ANKS1B: variants seen among roughly 807,000 people sequenced by gnomAD.
The protein encoded by ANKS1B is ankyrin repeat and sterile alpha motif domain-containing protein 1B.
ANKS1B carries 36 observed loss-of-function variants against 148.3 expected under a neutral mutation model. That is an observed-to-expected ratio of 0.24 (90% CI 0.19 to 0.32). The LOEUF (loss-of-function observed/expected upper bound fraction) is 0.32. Ranked by LOEUF, ANKS1B falls within the 10% of genes least tolerant of loss-of-function variation. The pLI, the probability that ANKS1B is intolerant of heterozygous loss-of-function variation, is 1.00. For missense variants in ANKS1B, 1,157 were observed against 1,542.6 expected (o/e 0.75, Z 4.19); for synonymous variants, 542 against 560.8 (o/e 0.97, Z 0.47).
chr12:99,409,172 A>T (rs1274440064), intron 11 of ANKS1B, among the ~76,000 whole-genome samples: 1 of 152,240 alleles, frequency 6.6e-6, no homozygotes, highest in African/African-American at 2.4e-5. Flanking sequence ...CGGCTATAAA[A>T]AAGAATGAGA....
chr12:99,896,428 C>A (rs2093389243), intron 1 of ANKS1B, among the ~76,000 whole-genome samples: 1 of 151,340 alleles, frequency 6.6e-6, no homozygotes, highest in African/African-American at 2.4e-5. Flanking sequence ...ATGGCAGTAA[C>A]TCCTTCTTTA....
intron 17 of ANKS1B, among the ~76,000 whole-genome samples, chr12:98,862,731 A>C (rs955828596): frequency 2.0e-5 from 3 of 152,192 alleles, no homozygotes; most frequent in Non-Finnish European, 2.9e-5. Context: ...TCTTACTCTC[A>C]AGTAGGAATC....
intron 8 of ANKS1B, among the ~76,000 whole-genome samples, chr12:99,771,595 G>T (rs1213705262): frequency 3.3e-5 from 5 of 151,878 alleles, no homozygotes; most frequent in Non-Finnish European, 7.4e-5. Context: ...TTTAACAGAG[G>T]ATTTTGTCCC....
chr12:98,854,504 CCT>C (rs139733033), intron 17 of ANKS1B, among the ~76,000 whole-genome samples: 21,558 of 152,218 alleles, frequency 0.14, 1,834 homozygotes, highest in East Asian at 0.21. Context: ...AACACCATCC[CCT>C]GTTTTACAAA....
rs80144481 is a variant in ANKS1B at position 98,919,512 on chromosome 12, C to T, written c.2779-87376G>A. The stretch of plus-strand genomic sequence containing the variant: ...ATAACTCAATCTACCTAAACTCTTA[C>T]AAGGAATCAGAAGCCCTCAGTTCTT... On this transcript the variant is annotated intron_variant, in intron 17 of 26. Transcript: ENST00000683438. Among the ~76,000 whole-genome samples the T allele has an allele frequency of 1.1e-3, 168 of 152,312 alleles. 1 individual carries two copies. In the East Asian group the frequency reaches 0.016, roughly 15 times the overall value.
chr12:99,965,705 C>T (rs1363217037), intron 1 of ANKS1B, among the ~76,000 whole-genome samples: 1 of 152,128 alleles, frequency 6.6e-6, no homozygotes, highest in East Asian at 1.9e-4. Flanking sequence ...AGGCAGATAA[C>T]TTGAGGTCAG....
At chr12:99,454,449 A>C (rs2095812658) in intron 10 of ANKS1B, among the ~76,000 whole-genome samples, 1 of 152,216 alleles carries the variant, frequency 6.6e-6, no homozygotes, top group Admixed American at 6.5e-5. Flanking sequence ...TCTTATCTAC[A>C]CCAGAGAAGT....
At chr12:99,628,155 A>T (rs2098127400) in intron 9 of ANKS1B, among the ~76,000 whole-genome samples, 1 of 152,170 alleles carries the variant, frequency 6.6e-6, no homozygotes, top group Admixed American at 6.5e-5. Context: ...TGAATACTGT[A>T]GACGATTGTC....
intron 10 of ANKS1B, among the ~76,000 whole-genome samples, chr12:99,453,627 A>G (rs1428671195): frequency 1.3e-5 from 2 of 152,222 alleles, no homozygotes; most frequent in African/African-American, 2.4e-5. Flanking sequence ...ATCTTGAGTC[A>G]GAGGCATCCC....
At chr12:99,829,398 C>A (rs892988544) in intron 1 of ANKS1B, among the ~76,000 whole-genome samples, 8 of 152,240 alleles carry the variant, frequency 5.3e-5, no homozygotes, top group African/African-American at 1.9e-4. Flanking sequence ...CACCTGTAAT[C>A]TCAGCACTTT....
chr12:99,646,745 A>T (rs1035528660), intron 9 of ANKS1B, among the ~76,000 whole-genome samples: 3 of 150,074 alleles, frequency 2.0e-5, no homozygotes, highest in African/African-American at 7.3e-5. Context: ...TATCATGTGT[A>T]CTGTCATTTC....
chr12:99,305,695 A>G (rs888878792), intron 12 of ANKS1B, among the ~76,000 whole-genome samples: 1 of 152,120 alleles, frequency 6.6e-6, no homozygotes, highest in African/African-American at 2.4e-5. Context: ...CTCTCTATAC[A>G]TAGCAATGGT....
chr12:99,670,297 T>C (rs2098530766), intron 8 of ANKS1B, among the ~76,000 whole-genome samples: 1 of 152,124 alleles, frequency 6.6e-6, no homozygotes, highest in South Asian at 2.1e-4. Flanking sequence ...CATGCTTGTC[T>C]TGCCAATTTC....
chr12:99,504,876 C>CT (rs1214931644), intron 9 of ANKS1B, among the ~76,000 whole-genome samples: 3 of 151,918 alleles, frequency 2.0e-5, no homozygotes, highest in Non-Finnish European at 4.4e-5. Flanking sequence ...AGGTATTGCC[C>CT]TTTTTTGTAA....
chr12:98,765,034 CAT>C (rs1566188361), intron 25 of ANKS1B, among the ~76,000 whole-genome samples: 2 of 152,198 alleles, frequency 1.3e-5, no homozygotes, highest in African/African-American at 2.4e-5. Flanking sequence ...CAGCAACAAA[CAT>C]ATGTCGTGAA....
At chr12:99,549,725 A>G (rs1480928632) in intron 9 of ANKS1B, among the ~76,000 whole-genome samples, 1 of 152,220 alleles carries the variant, frequency 6.6e-6, no homozygotes, top group Admixed American at 6.5e-5. Flanking sequence ...CAATGCATGA[A>G]CTAACCTAGT....
chr12:99,101,649 C>T (rs550561857), intron 15 of ANKS1B, among the ~76,000 whole-genome samples: 1 of 152,154 alleles, frequency 6.6e-6, no homozygotes, highest in Non-Finnish European at 1.5e-5. Context: ...GCAACCTCCA[C>T]CTCCCGGGTT....
chr12:99,853,816 A>G (rs893556160), intron 1 of ANKS1B, among the ~76,000 whole-genome samples: 1 of 152,044 alleles, frequency 6.6e-6, no homozygotes, highest in African/African-American at 2.4e-5. Context: ...TAAAAGAAAT[A>G]AAAAAAAGAT....
At chr12:99,349,133 T>C (rs1348491577) in intron 12 of ANKS1B, among the ~76,000 whole-genome samples, 2 of 151,928 alleles carry the variant, frequency 1.3e-5, no homozygotes, top group African/African-American at 4.8e-5. Context: ...AAATGTAAGA[T>C]ACTAACTGTA....
Sources: gnomAD v4.1 joint callset for allele counts (sites outside exome capture counted in the v4.1 genomes callset) on GRCh38, gnomAD v4.1.1 for gene constraint, MANE v1.5 for transcripts, NCBI Gene and HGNC (gene_info 2026-07-23, HGNC 2026-07-21) for gene names.